The following EEF1AKMT2 variants were observed in gnomAD, a reference collection of about 807,000 sequenced individuals.
EEF1AKMT2 encodes the protein EEF1A lysine methyltransferase 2, also known as eukaryotic translation elongation factor 1 alpha lysine methyltransferase 2.
Under a neutral mutation model 35.8 loss-of-function variants are expected in EEF1AKMT2, and 32 were observed. That is an observed-to-expected ratio of 0.89 (90% CI 0.67 to 1.20). The LOEUF is 1.20. EEF1AKMT2 is among the 50% of genes most tolerant of loss of function. EEF1AKMT2 has a pLI of 0.00. For missense variants in EEF1AKMT2, 330 were observed against 347.5 expected (o/e 0.95, Z 0.40); for synonymous variants, 121 against 133.7 (o/e 0.91, Z 0.65).
At chr10:124,781,273 G>A (rs902526371) in intron 3 of EEF1AKMT2, among the ~76,000 whole-genome samples, 10 of 151,576 alleles carry the variant, frequency 6.6e-5, no homozygotes, top group Non-Finnish European at 1.0e-4. Context: ...TGAAAGAAAC[G>A]GCTAGCTCAG....
chr10:124,762,165 G>T, intron 6 of EEF1AKMT2, 135 bp downstream of exon 6: 1 of 607,122 alleles, frequency 1.6e-6, no homozygotes, highest in Non-Finnish European at 2.2e-6. Context: ...ACGCCAATGC[G>T]CCACCCCACG....
intron 3 of EEF1AKMT2, among the ~76,000 whole-genome samples, chr10:124,788,725 T>A: frequency 7.0e-6 from 1 of 143,550 alleles, no homozygotes; most frequent in African/African-American, 2.5e-5. Context: ...TATATATATA[T>A]ATATGCATTT....
At position 124,789,160 on chromosome 10, in the gene EEF1AKMT2, G is replaced by A; in HGVS notation, c.177-3C>T. ...GATTCATACTCTCTTCTCCAAACCT[G>A]TTAGAGAGAATCAGTCAAATAACTG... is the stretch of plus-strand genomic sequence containing the variant. On this transcript the variant is annotated splice_region_variant and splice_polypyrimidine_tract_variant and intron_variant, in intron 2 of 6. Transcript: ENST00000368836. 1 of 1,592,470 alleles carries A rather than the reference G, an allele frequency of 6.3e-7. No individual in the cohort carries two copies. Among genetic ancestry groups the A allele is most frequent in the Non-Finnish European group, 8.6e-7 (1 of 1,162,226 alleles).
rs138958745 is a variant in EEF1AKMT2 at position 124,769,248 on chromosome 10, A to ATGTG, written c.400-3644_400-3641dup. Among the ~76,000 whole-genome samples the ATGTG allele has an allele frequency of 1.9e-4, 12 of 63,818 alleles. No homozygotes were observed. The East Asian group carries it at 2.1e-3, about 11-fold the overall frequency. The allele number at this position is 63,818 out of a possible 152,430, so 41.9% of individuals were successfully genotyped here. A position where few individuals can be genotyped will look rare whatever the true frequency, so the allele number is the denominator to read the frequency against. On this transcript the variant is annotated intron_variant, in intron 4 of 6. Coordinates refer to ENST00000368836, the MANE Select transcript of EEF1AKMT2 (RefSeq NM_212554.4). ...AAAAAAAAAAAATATATATATATAT[A>ATGTG]TGTGTGTATAAATAAAACGAACAGA...
intron 3 of EEF1AKMT2, among the ~76,000 whole-genome samples, chr10:124,776,887 A>C (rs900108984): frequency 1.9e-4 from 3 of 15,580 alleles, no homozygotes; most frequent in African/African-American, 2.2e-4. Flanking sequence ...CACAGCAAAA[A>C]ATAAAAAAAA....
intron 4 of EEF1AKMT2, among the ~76,000 whole-genome samples, chr10:124,774,391 A>T (rs1950469467): frequency 6.8e-6 from 1 of 147,798 alleles, no homozygotes; most frequent in Non-Finnish European, 1.5e-5. Flanking sequence ...AAAAAAAAAA[A>T]AAAAAAAAAA....
At chr10:124,765,751 TA>T in intron 4 of EEF1AKMT2, 143 bp from the exon 5 acceptor site, 1 of 627,932 alleles carries the variant, frequency 1.6e-6, no homozygotes, top group Non-Finnish European at 2.7e-6. Flanking sequence ...TTTTCAACTT[TA>T]TAGCTAACTT....
intron 3 of EEF1AKMT2, chr10:124,783,058 C>T: frequency 3.1e-6 from 1 of 319,950 alleles, no homozygotes; most frequent in Non-Finnish European, 6.2e-6. Flanking sequence ...CAAAAAGGGG[C>T]TGAACATCAT....
At chr10:124,790,482 C>A in intron 1 of EEF1AKMT2, 144 bp from the exon 2 acceptor site, 1 of 642,482 alleles carries the variant, frequency 1.6e-6, no homozygotes, top group Non-Finnish European at 2.8e-6. Flanking sequence ...ATAGTTCAAT[C>A]TTTTAACGTC....
In EEF1AKMT2 at chr10:124,760,477, T is replaced by C. The variant is rs747574182; in HGVS notation, c.*26A>G. The C allele has an allele frequency of 2.5e-6, 4 of 1,613,830 alleles. No individual in the cohort carries two copies. Among genetic ancestry groups the C allele is most frequent in the East Asian group, 2.2e-5 (1 of 44,870 alleles). The stretch of plus-strand genomic sequence containing the variant: ...CTGCCTCCAAAGCTGAACTTGGGTG[T>C]TGGTAGCTCTTCGAGAAGTTCAAAT... On this transcript the variant is annotated 3_prime_UTR_variant, in exon 7 of 7. Transcript: ENST00000368836.
rs1383732099 is a variant in EEF1AKMT2 at position 124,762,507 on chromosome 10, G to T, written c.668C>A (p.Ala223Asp). The T allele has an allele frequency of 1.6e-6, 2 of 1,286,028 alleles. No individual in the cohort carries two copies. Among genetic ancestry groups the T allele is most frequent in the African/African-American group, 1.5e-5 (1 of 65,714 alleles). The allele number at this position is 1,286,028 out of a possible 1,614,324, so 79.7% of individuals were successfully genotyped here. Reference protein sequence around the residue: ...FWLTAALTSWAQAIFSTSASR... With the variant: ...FWLTAALTSWDQAIFSTSASR... ...GGCTGAAGTGGAAAAGATCGCTTGA[G>T]CCCAGGAAGTCAAGGCTGCAGTGAG... Residue 223 changes from alanine to aspartate, a missense_variant, in exon 6 of 7, where the codon GCT becomes GAT. Physicochemically the swap from Ala to Asp is moderately radical, Grantham distance 126. Coordinates refer to ENST00000368836, the MANE Select transcript of EEF1AKMT2 (RefSeq NM_212554.4).
intron 4 of EEF1AKMT2, among the ~76,000 whole-genome samples, chr10:124,767,370 G>T (rs1296234813): frequency 1.3e-5 from 2 of 150,652 alleles, no homozygotes; most frequent in Non-Finnish European, 1.5e-5. Context: ...AAAATTAGCC[G>T]GGCGTGGTGG....
At chr10:124,765,026 T>C (rs970223234) in intron 5 of EEF1AKMT2, among the ~76,000 whole-genome samples, 6 of 152,202 alleles carry the variant, frequency 3.9e-5, no homozygotes, top group African/African-American at 1.4e-4. Context: ...CTCAGTCTCC[T>C]AAGTAGCTGG....
At chr10:124,787,306 G>C (rs1331137635) in intron 3 of EEF1AKMT2, among the ~76,000 whole-genome samples, 1 of 151,886 alleles carries the variant, frequency 6.6e-6, no homozygotes, top group South Asian at 2.1e-4. Flanking sequence ...AATGGCGTGC[G>C]CCTGTAATCC....
At chr10:124,770,816 T>C (rs894413638) in intron 4 of EEF1AKMT2, among the ~76,000 whole-genome samples, 1 of 152,238 alleles carries the variant, frequency 6.6e-6, no homozygotes, top group Non-Finnish European at 1.5e-5. Flanking sequence ...CCACTTTCTC[T>C]GGTCGTCCAC....
chr10:124,782,398 C>T (rs537791097), intron 3 of EEF1AKMT2, among the ~76,000 whole-genome samples: 1 of 151,464 alleles, frequency 6.6e-6, no homozygotes, highest in Non-Finnish European at 1.5e-5. Context: ...CTGGCTAACA[C>T]GGTGAAACCC....
chr10:124,781,562 G>A (rs1460761927), intron 3 of EEF1AKMT2, among the ~76,000 whole-genome samples: 1 of 144,606 alleles, frequency 6.9e-6, no homozygotes. Flanking sequence ...CTGCACTCCA[G>A]CCTGGGTGAC....
At chr10:124,782,863 T>C in intron 3 of EEF1AKMT2, 1 of 276,610 alleles carries the variant, frequency 3.6e-6, no homozygotes, top group Non-Finnish European at 7.4e-6. Context: ...AATGTAGACC[T>C]AAATCCAAAC....
intron 4 of EEF1AKMT2, among the ~76,000 whole-genome samples, chr10:124,773,681 G>A (rs932672384): frequency 6.6e-6 from 1 of 152,070 alleles, no homozygotes; most frequent in Non-Finnish European, 1.5e-5. Context: ...CATCTTACGT[G>A]GGCACAGTTC....
Sources: allele counts gnomAD v4.1 joint callset (sites outside exome capture counted in the v4.1 genomes callset), GRCh38; gene constraint gnomAD v4.1.1; transcripts MANE v1.5; gene names NCBI Gene and HGNC (gene_info 2026-07-23, HGNC 2026-07-21).